Variants in KCNN2 observed in about 807,000 individuals in gnomAD.
The protein encoded by KCNN2 is potassium calcium-activated channel subfamily N member 2.
A neutral mutation model predicts 55.5 loss-of-function variants in KCNN2; 24 were observed. The observed-to-expected ratio is 0.43, with a 90% CI of 0.31 to 0.61. KCNN2 has a LOEUF of 0.61. KCNN2 is among the 20% of genes least tolerant of loss of function. KCNN2 has a pLI of 0.08. For synonymous variants in KCNN2, 431 were observed against 336.1 expected, an observed-to-expected ratio of 1.28 and a Z score of -3.09; for missense variants, 754 against 853.6, an observed-to-expected ratio of 0.88 and a Z score of 1.45.
At chr5:114,442,381 A>T (rs752597300) in intron 3 of KCNN2, among the ~76,000 whole-genome samples, 34 of 151,752 alleles carry the variant, frequency 2.2e-4, no homozygotes, top group Admixed American at 1.4e-3. Flanking sequence ...GATTTTAAGG[A>T]AAAACAATGC....
chr5:114,186,442 A>G (rs1292825525), intron 1 of KCNN2, among the ~76,000 whole-genome samples: 1 of 152,202 alleles, frequency 6.6e-6, no homozygotes, highest in East Asian at 1.9e-4. Flanking sequence ...GAAGTAAGGT[A>G]TTAAATAAAT....
At chr5:114,060,322 T>G (rs753919269) in intron 1 of KCNN2, among the ~76,000 whole-genome samples, 2 of 152,250 alleles carry the variant, frequency 1.3e-5, no homozygotes, top group Non-Finnish European at 2.9e-5. Context: ...CACCCTCTCG[T>G]TGCAGTTCAC....
chr5:114,347,413 C>T (rs1349488392), intron 2 of KCNN2, among the ~76,000 whole-genome samples: 2 of 152,184 alleles, frequency 1.3e-5, no homozygotes, highest in African/African-American at 4.8e-5. Flanking sequence ...GATTCCACCA[C>T]TTATGGGTAA....
At position 114,293,176 on chromosome 5, in the gene KCNN2, C is replaced by G. The variant is rs577645210; in HGVS notation, c.-184-67769C>G. On this transcript the variant is annotated intron_variant, in intron 2 of 10. Coordinates refer to the KCNN2 transcript ENST00000512097. Reference sequence around the variant, plus strand: ...ACTTCCTCTTTTCCTAATTGTATACCCTTTATTTCCTTCTCCTGCCTGACT... The same window carrying G: ...ACTTCCTCTTTTCCTAATTGTATACGCTTTATTTCCTTCTCCTGCCTGACT... 1.3e-3 allele frequency among the ~76,000 whole-genome samples: 191 copies of G among 152,192 alleles called. 1 individual carries two copies. The highest frequency in any genetic ancestry group is 3.9e-3 in the African/African-American group (161 of 41,526).
At chr5:114,215,349 A>G (rs977751273) in intron 1 of KCNN2, among the ~76,000 whole-genome samples, 6 of 152,168 alleles carry the variant, frequency 3.9e-5, no homozygotes, top group Admixed American at 1.3e-4. Flanking sequence ...AATTTGCTTT[A>G]TAGTAAGCTG....
At chr5:114,433,940 G>A in intron 3 of KCNN2, 1 of 157,436 alleles carries the variant, frequency 6.4e-6, no homozygotes, top group Non-Finnish European at 1.4e-5. Flanking sequence ...GTTGGGTCTT[G>A]CTTTTATTCA....
intron 3 of KCNN2, among the ~76,000 whole-genome samples, chr5:114,432,446 T>C (rs1759827548): frequency 1.3e-5 from 2 of 152,210 alleles, no homozygotes; most frequent in African/African-American, 4.8e-5. Flanking sequence ...GCCTTACTTT[T>C]AATTCATATG....
At chr5:114,119,305 A>G (rs188280935) in intron 1 of KCNN2, among the ~76,000 whole-genome samples, 1 of 152,322 alleles carries the variant, frequency 6.6e-6, no homozygotes, top group Admixed American at 6.5e-5. Flanking sequence ...CAAACAACCA[A>G]ATCGTACTTA....
intron 3 of KCNN2, among the ~76,000 whole-genome samples, chr5:114,414,116 T>C (rs937956470): frequency 2.6e-5 from 4 of 152,222 alleles, no homozygotes; most frequent in African/African-American, 9.6e-5. Context: ...CATTGTATTT[T>C]TTTTAATTTT....
intron 2 of KCNN2, among the ~76,000 whole-genome samples, chr5:114,347,164 A>G (rs1371688250): frequency 6.6e-6 from 1 of 152,224 alleles, no homozygotes; most frequent in Non-Finnish European, 1.5e-5. Flanking sequence ...TAAACACCAC[A>G]TTTATAATTG....
chr5:114,330,022 C>CTTCTCTT (rs1358064414), intron 2 of KCNN2, among the ~76,000 whole-genome samples: 2 of 151,928 alleles, frequency 1.3e-5, no homozygotes, highest in Non-Finnish European at 2.9e-5. Context: ...CTCCCTCTCT[C>CTTCTCTT]TCCCCTTTGA....
At chr5:114,371,507 A>G (rs572564666) in intron 2 of KCNN2, among the ~76,000 whole-genome samples, 27 of 152,282 alleles carry the variant, frequency 1.8e-4, no homozygotes, top group Admixed American at 5.2e-4. Flanking sequence ...ATTGAATGCT[A>G]CCAAGGTCTC....
intron 1 of KCNN2, among the ~76,000 whole-genome samples, chr5:114,106,620 A>G (rs996976778): frequency 2.1e-5 from 3 of 141,694 alleles, no homozygotes; most frequent in Non-Finnish European, 4.6e-5. Flanking sequence ...CTGGTGACTA[A>G]TGGCACTGAG....
intron 3 of KCNN2, among the ~76,000 whole-genome samples, chr5:114,411,370 T>C (rs919816876): frequency 1.3e-5 from 2 of 151,782 alleles, no homozygotes; most frequent in Non-Finnish European, 2.9e-5. Context: ...TGAGAGGAGA[T>C]TTATTAGAGG....
At chr5:114,292,411 G>A (rs1361462520) in intron 2 of KCNN2, among the ~76,000 whole-genome samples, 2 of 152,110 alleles carry the variant, frequency 1.3e-5, no homozygotes, top group African/African-American at 4.8e-5. Flanking sequence ...TCTACATATG[G>A]CTAGCCAGTT....
intron 1 of KCNN2, among the ~76,000 whole-genome samples, chr5:114,103,372 C>T (rs754901690): frequency 6.6e-6 from 1 of 152,160 alleles, no homozygotes; most frequent in East Asian, 1.9e-4. Flanking sequence ...CATCTGCAAA[C>T]AGAGATAATT....
At chr5:114,218,816 G>A (rs539094183) in intron 1 of KCNN2, among the ~76,000 whole-genome samples, 2 of 152,332 alleles carry the variant, frequency 1.3e-5, no homozygotes, top group African/African-American at 4.8e-5. Context: ...GGGAGGCTAT[G>A]CACATGTGGG....
chr5:114,425,643 T>A (rs1759598490), intron 3 of KCNN2, among the ~76,000 whole-genome samples: 1 of 152,158 alleles, frequency 6.6e-6, no homozygotes, highest in Non-Finnish European at 1.5e-5. Context: ...GCTGACAGGC[T>A]CACTTTAAAT....
intron 6 of KCNN2, 51 bp from the exon 7 acceptor site, chr5:114,493,352 G>A (rs1747954610): frequency 9.0e-7 from 1 of 1,116,092 alleles, no homozygotes; most frequent in East Asian, 2.3e-5. Flanking sequence ...GAAGGCATAA[G>A]ATTGCCATAG....
Sources: gnomAD v4.1 joint callset for allele counts (sites outside exome capture counted in the v4.1 genomes callset) on GRCh38, gnomAD v4.1.1 for gene constraint, MANE v1.5 for transcripts, NCBI Gene and HGNC (gene_info 2026-07-23, HGNC 2026-07-21) for gene names.